The following BBX variants were observed in gnomAD, a reference collection of about 807,000 sequenced individuals.
BBX encodes BBX high mobility group box domain containing.
BBX carries 30 observed loss-of-function variants against 100.2 expected under a neutral mutation model. The observed-to-expected ratio is 0.30, with a 90% CI of 0.22 to 0.41. BBX has a LOEUF of 0.41. Among genes scored for constraint, BBX ranks in the 10% least tolerant of loss-of-function variants. BBX has a pLI of 1.00. For missense variants in BBX, 1,023 were observed against 1,129.8 expected, an observed-to-expected ratio of 0.91 and a Z score of 1.35; for synonymous variants, 376 against 388.1, an observed-to-expected ratio of 0.97 and a Z score of 0.37.
intron 2 of BBX, among the ~76,000 whole-genome samples, chr3:107,527,547 C>G (rs1418409385): frequency 6.6e-6 from 1 of 152,146 alleles, no homozygotes; most frequent in East Asian, 1.9e-4. Context: ...AATATACTTT[C>G]ATGTTATTGA....
At chr3:107,635,952 C>G (rs2056827820) in intron 2 of BBX, among the ~76,000 whole-genome samples, 1 of 152,146 alleles carries the variant, frequency 6.6e-6, no homozygotes, top group Admixed American at 6.5e-5. Flanking sequence ...CCTGGTGATC[C>G]TCCCGCCTCG....
chr3:107,682,995 C>T (rs1185128451), intron 3 of BBX, among the ~76,000 whole-genome samples: 1 of 152,074 alleles, frequency 6.6e-6, no homozygotes, highest in African/African-American at 2.4e-5. Context: ...TAAAATAAGA[C>T]ATGTTGAATG....
intron 2 of BBX, among the ~76,000 whole-genome samples, chr3:107,580,149 C>T (rs989890502): frequency 6.6e-6 from 1 of 152,078 alleles, no homozygotes; most frequent in Non-Finnish European, 1.5e-5. Flanking sequence ...ATTTTAATCA[C>T]TTGACATCAG....
intron 10 of BBX, among the ~76,000 whole-genome samples, chr3:107,763,107 A>T (rs193002127): frequency 6.6e-6 from 1 of 152,264 alleles, no homozygotes; most frequent in Non-Finnish European, 1.5e-5. Flanking sequence ...ATGTGCAAGT[A>T]TTTCAAAATT....
At chr3:107,690,892 C>CTTTTTTTT (rs66523709) in intron 3 of BBX, among the ~76,000 whole-genome samples, 9 of 41,190 alleles carry the variant, frequency 2.2e-4, no homozygotes, top group East Asian at 9.6e-4. Context: ...GCCCCCCCCC[C>CTTTTTTTT]TTTTTTTTTT....
chr3:107,789,088 A>C (rs554936167), intron 13 of BBX, among the ~76,000 whole-genome samples: 8 of 152,174 alleles, frequency 5.3e-5, no homozygotes, highest in African/African-American at 1.9e-4. Flanking sequence ...CAGAAGGCAG[A>C]GCATGTAGTT....
At chr3:107,759,578 T>C (rs1309055011) in intron 10 of BBX, among the ~76,000 whole-genome samples, 3 of 152,156 alleles carry the variant, frequency 2.0e-5, no homozygotes, top group African/African-American at 7.2e-5. Context: ...AAAGAAAAAT[T>C]CTACCCTTGA....
At chr3:107,707,534 G>A (rs2061461941) in intron 3 of BBX, among the ~76,000 whole-genome samples, 1 of 152,142 alleles carries the variant, frequency 6.6e-6, no homozygotes, top group Non-Finnish European at 1.5e-5. Flanking sequence ...CCTAGCAATG[G>A]AGGTATGATG....
intron 2 of BBX, among the ~76,000 whole-genome samples, chr3:107,640,276 C>T (rs1377232800): frequency 6.6e-6 from 1 of 152,174 alleles, no homozygotes; most frequent in African/African-American, 2.4e-5. Flanking sequence ...AATCACATTG[C>T]TTTCTCATTT....
At chr3:107,768,988 A>G (rs1190137627) in intron 10 of BBX, among the ~76,000 whole-genome samples, 9 of 80,660 alleles carry the variant, frequency 1.1e-4, no homozygotes, top group African/African-American at 5.2e-5. Flanking sequence ...CAAGATGCCT[A>G]TTCTCTACGG....
intron 5 of BBX, among the ~76,000 whole-genome samples, chr3:107,723,918 A>G (rs2062727659): frequency 6.6e-6 from 1 of 152,182 alleles, no homozygotes; most frequent in African/African-American, 2.4e-5. Context: ...TCCTTTGGGT[A>G]TATACCCAGT....
chr3:107,731,248 GTATATAAAT>G (rs910643057), intron 6 of BBX, among the ~76,000 whole-genome samples: 1 of 152,052 alleles, frequency 6.6e-6, no homozygotes, highest in Non-Finnish European at 1.5e-5. Context: ...AGTCACATTG[GTATATAAAT>G]TATCACGTAA....
chr3:107,709,245 T>A (rs2061570248), intron 3 of BBX, among the ~76,000 whole-genome samples: 1 of 152,156 alleles, frequency 6.6e-6, no homozygotes, highest in South Asian at 2.1e-4. Flanking sequence ...GGAGAAAACA[T>A]TGGTGAATAA....
At chr3:107,759,512 A>G (rs1233139677) in intron 10 of BBX, among the ~76,000 whole-genome samples, 5 of 152,218 alleles carry the variant, frequency 3.3e-5, no homozygotes, top group Non-Finnish European at 7.4e-5. Flanking sequence ...TATAGTGGCT[A>G]TAGTTGGAGG....
chr3:107,691,741 C>A (rs2060183284), intron 3 of BBX, among the ~76,000 whole-genome samples: 1 of 152,132 alleles, frequency 6.6e-6, no homozygotes, highest in Admixed American at 6.5e-5. Flanking sequence ...AGGCAGTATT[C>A]TAAGCATTTG....
At chr3:107,621,557 A>G (rs148543031) in intron 2 of BBX, among the ~76,000 whole-genome samples, 1 of 152,322 alleles carries the variant, frequency 6.6e-6, no homozygotes, top group East Asian at 1.9e-4. Flanking sequence ...TCTAGGTAGA[A>G]TTATTAACAT....
At chr3:107,726,967 T>C (rs2107489478) in intron 5 of BBX, among the ~76,000 whole-genome samples, 1 of 152,178 alleles carries the variant, frequency 6.6e-6, no homozygotes, top group South Asian at 2.1e-4. Flanking sequence ...CCATTGTAAA[T>C]TAGTTTAAGC....
At chr3:107,601,179 C>G (rs1300017967) in intron 2 of BBX, among the ~76,000 whole-genome samples, 1 of 152,196 alleles carries the variant, frequency 6.6e-6, no homozygotes, top group East Asian at 1.9e-4. Context: ...GTTCTGATTG[C>G]TCCACCCACT....
intron 1 of BBX, among the ~76,000 whole-genome samples, chr3:107,525,106 C>T (rs1237696056): frequency 6.7e-6 from 1 of 149,580 alleles, no homozygotes; most frequent in East Asian, 2.0e-4. Context: ...CACCTCTGCT[C>T]GCGCGACTTT....
Sources: gnomAD v4.1 joint callset for allele counts (sites outside exome capture counted in the v4.1 genomes callset) on GRCh38, gnomAD v4.1.1 for gene constraint, MANE v1.5 for transcripts, NCBI Gene and HGNC (gene_info 2026-07-23, HGNC 2026-07-21) for gene names.